The following ZNF431 variants were observed in gnomAD, a reference collection of about 807,000 sequenced individuals.
ZNF431 encodes zinc finger protein 431.
ZNF431 carries 34 observed loss-of-function variants against 57.0 expected under a neutral mutation model. The observed-to-expected ratio is 0.60, with a 90% CI of 0.45 to 0.79. ZNF431 has a LOEUF of 0.79. ZNF431 is among the 30% of genes least tolerant of loss of function. The probability of loss-of-function intolerance (pLI) is 0.00; values close to 1 mark genes in which losing one functional copy is unlikely to be tolerated. For synonymous variants in ZNF431, 207 were observed against 220.3 expected, an observed-to-expected ratio of 0.94 and a Z score of 0.54; for missense variants, 607 against 667.1, an observed-to-expected ratio of 0.91 and a Z score of 0.99.
rs1396154436 is a variant in ZNF431, at chr19:21,188,454, A to G, written c.*4420A>G. On this transcript the variant is annotated 3_prime_UTR_variant, in exon 5 of 5. Coordinates refer to ENST00000311048, the MANE Select transcript of ZNF431 (RefSeq NM_133473.4). ...TAAACAATTTTAAAGTTAATTTTCT[A>G]TGATATACTTACAGCACAACTTATA... 1.3e-5 allele frequency: 2 copies of G among 152,206 alleles called. No homozygotes were observed. The highest frequency in any genetic ancestry group is 1.3e-4 in the Admixed American group (2 of 15,282). The allele number at this position is 152,206 out of a possible 1,614,324, so 9.4% of individuals were successfully genotyped here. A position where few individuals can be genotyped will look rare whatever the true frequency, so the allele number is the denominator to read the frequency against.
chr19:21,150,331 A>G, intron 2 of ZNF431: 1 of 404,916 alleles, frequency 2.5e-6, no homozygotes, highest in Admixed American at 3.0e-5. Context: ...CACAATTCTT[A>G]GGCCTTTTCT....
At chr19:21,147,286 A>G (rs770402750) in intron 2 of ZNF431, among the ~76,000 whole-genome samples, 2 of 152,136 alleles carry the variant, frequency 1.3e-5, no homozygotes, top group Non-Finnish European at 2.9e-5. Flanking sequence ...CAGGAGTTCA[A>G]GACCAGCCTG....
chr19:21,172,265 C>G (rs1970920571), intron 4 of ZNF431, among the ~76,000 whole-genome samples: 2 of 150,884 alleles, frequency 1.3e-5, no homozygotes, highest in South Asian at 4.2e-4. Context: ...CCTGTCTCTA[C>G]TAAAAATACA....
chr19:21,166,037 G>A (rs1411280335), intron 2 of ZNF431, among the ~76,000 whole-genome samples: 1 of 152,144 alleles, frequency 6.6e-6, no homozygotes, highest in Admixed American at 6.5e-5. Context: ...TCATTATGAT[G>A]TAAGTATAGC....
At chr19:21,146,106 C>T (rs1970086352) in intron 2 of ZNF431, among the ~76,000 whole-genome samples, 6 of 151,886 alleles carry the variant, frequency 4.0e-5, no homozygotes, top group Non-Finnish European at 1.5e-5. Flanking sequence ...AATCCAAGCC[C>T]CAAAAGAGGG....
At chr19:21,173,712 G>C in intron 4 of ZNF431, among the ~76,000 whole-genome samples, 1 of 151,698 alleles carries the variant, frequency 6.6e-6, no homozygotes, top group East Asian at 2.0e-4. Context: ...TTTTAGTAGA[G>C]ATGGGGCTTT....
In ZNF431 at chr19:21,166,323, T is replaced by G. The variant is rs1368956819; in HGVS notation, c.97-12T>G. The G allele has an allele frequency of 1.2e-6, 2 of 1,611,344 alleles. No individual in the cohort carries two copies. Reference sequence around the variant, plus strand: ...GTAAATATATGTGTGTCTCTGTGCTTGTGTTTTTCAGGAGACATTGACATT... The same window carrying G: ...GTAAATATATGTGTGTCTCTGTGCTGGTGTTTTTCAGGAGACATTGACATT... On this transcript the variant is annotated splice_polypyrimidine_tract_variant and intron_variant, in intron 2 of 4. Transcript: ENST00000311048.
chr19:21,177,581 G>A (rs1971094701), intron 4 of ZNF431, among the ~76,000 whole-genome samples: 1 of 152,156 alleles, frequency 6.6e-6, no homozygotes, highest in Non-Finnish European at 1.5e-5. Flanking sequence ...GAGGTCAGGA[G>A]TTTGAGAAAA....
At position 21,185,854 on chromosome 19, in the gene ZNF431, A is replaced by G. The variant is rs1261609476; in HGVS notation, c.*1820A>G. On this transcript the variant is annotated 3_prime_UTR_variant, in exon 5 of 5. Transcript: ENST00000311048. ...GTAGCATTTCTCCTTTGTTTTACAA[A>G]CAATCCAATTCTACACTTTAAAAAA... is the stretch of plus-strand genomic sequence containing the variant. The G allele has an allele frequency of 3.3e-5, 5 of 151,348 alleles. No individual in the cohort carries two copies. The South Asian group carries it at 1.0e-3, about 32-fold the overall frequency. The allele number at this position is 151,348 out of a possible 1,614,324, so 9.4% of individuals were successfully genotyped here.
chr19:21,183,681 G>C lies in ZNF431; in HGVS notation c.1378G>C (p.Glu460Gln), dbSNP rs139858050. 2 of 1,613,582 alleles carry C rather than the reference G, an allele frequency of 1.2e-6. No individual in the cohort carries two copies. Among genetic ancestry groups the C allele is most frequent in the African/African-American group, 1.3e-5 (1 of 74,900 alleles). The change falls in exon 5 of 5, where the codon GAA (glutamate) becomes CAA (glutamine). Residue 460 changes from glutamate to glutamine, a missense_variant. Physicochemically the swap from Glu to Gln is conservative, Grantham distance 29 (BLOSUM62 2). Transcript: ENST00000311048. The part of the protein sequence containing the change: ...HTGEKPYKCE[E>Q]CGKAFSQSSI... Reference sequence around the variant, plus strand: ...TGGAGAGAAACCTTACAAATGTGAAGAATGTGGCAAAGCTTTTAGCCAGTC... The same window carrying C: ...TGGAGAGAAACCTTACAAATGTGAACAATGTGGCAAAGCTTTTAGCCAGTC...
At position 21,187,278 on chromosome 19, in the gene ZNF431, T is replaced by A. The variant is rs2145066526; in HGVS notation, c.*3244T>A. 6.6e-6 allele frequency: 1 copy of A among 151,940 alleles called. No individual in the cohort carries two copies. Among genetic ancestry groups the A allele is most frequent in the Admixed American group, 6.6e-5 (1 of 15,230 alleles). The allele number at this position is 151,940 out of a possible 1,614,324, so 9.4% of individuals were successfully genotyped here. ...GAATATGGTGAAACCCAGTCTCTACTAAAACTACAAAAATAGCCAGGCATG... is the reference window on the plus strand; with the variant it reads ...GAATATGGTGAAACCCAGTCTCTACAAAAACTACAAAAATAGCCAGGCATG... On this transcript the variant is annotated 3_prime_UTR_variant, in exon 5 of 5. Coordinates refer to ENST00000311048, the MANE Select transcript of ZNF431 (RefSeq NM_133473.4).
intron 2 of ZNF431, among the ~76,000 whole-genome samples, chr19:21,162,526 GA>G (rs1970603893): frequency 6.6e-6 from 1 of 151,994 alleles, no homozygotes; most frequent in Non-Finnish European, 1.5e-5. Flanking sequence ...GGCTGGTCTT[GA>G]ACTCCTGACC....
rs1970210534 is a variant in ZNF431 at position 21,149,694 on chromosome 19, T to C, written c.96+6051T>C. The C allele has an allele frequency of 5.1e-6, 3 of 591,464 alleles. No homozygotes were observed. The Admixed American group carries it at 5.9e-5, about 12-fold the overall frequency. 36.6% of individuals were successfully genotyped at this position (591,464 alleles called of 1,614,324 possible). ...TTCTTTAGTCTTTGCCTTTTTGAGC[T>C]TGGCGATCTGAGCCACAGACTTGAG... On this transcript the variant is annotated intron_variant, in intron 2 of 4. Coordinates refer to ENST00000311048, the MANE Select transcript of ZNF431 (RefSeq NM_133473.4).
At chr19:21,181,894 C>T (rs912202231) in intron 4 of ZNF431, among the ~76,000 whole-genome samples, 4 of 152,064 alleles carry the variant, frequency 2.6e-5, no homozygotes, top group African/African-American at 9.7e-5. Flanking sequence ...AATATAGCTA[C>T]CTGTCACATT....
intron 4 of ZNF431, chr19:21,175,485 T>C (rs1315325001): frequency 1.4e-6 from 1 of 695,648 alleles, no homozygotes; most frequent in Non-Finnish European, 2.6e-6. Flanking sequence ...GTTTGTTACA[T>C]AAGTAAATGT....
Position 21,187,486 on chromosome 19 carries a change from C to G in ZNF431, c.*3452C>G, listed in dbSNP as rs1380700092. 1 of 148,270 alleles carries G rather than the reference C, an allele frequency of 6.7e-6. No individual in the cohort carries two copies. Among genetic ancestry groups the G allele is most frequent in the Non-Finnish European group, 1.5e-5 (1 of 67,538 alleles). 9.2% of individuals were successfully genotyped at this position (148,270 alleles called of 1,614,324 possible). A position where few individuals can be genotyped will look rare whatever the true frequency, so the allele number is the denominator to read the frequency against. On this transcript the variant is annotated 3_prime_UTR_variant, in exon 5 of 5. Coordinates refer to ENST00000311048, the MANE Select transcript of ZNF431 (RefSeq NM_133473.4). ...GGGCGTGGTGGCTCACGCCTGTAAT[C>G]CCAGCACTTTGGGAGGCCAAGGTGG...
intron 2 of ZNF431, among the ~76,000 whole-genome samples, chr19:21,153,310 A>G (rs1382647739): frequency 1.3e-5 from 2 of 152,182 alleles, no homozygotes; most frequent in Admixed American, 6.5e-5. Flanking sequence ...ATGTCTAACC[A>G]TCTGGGAATT....
intron 2 of ZNF431, among the ~76,000 whole-genome samples, chr19:21,164,075 A>AT (rs200815263): frequency 0.014 from 966 of 69,838 alleles, 17 homozygotes; most frequent in African/African-American, 0.061. Flanking sequence ...GTGAAACTCC[A>AT]TCTCAAAAAA....
chr19:21,178,514 G>C (rs1477257302), intron 4 of ZNF431, among the ~76,000 whole-genome samples: 1 of 152,118 alleles, frequency 6.6e-6, no homozygotes, highest in African/African-American at 2.4e-5. Flanking sequence ...TAACATGAAG[G>C]GATGTTGAAT....
Sources: allele counts gnomAD v4.1 joint callset (sites outside exome capture counted in the v4.1 genomes callset), GRCh38; gene constraint gnomAD v4.1.1; transcripts MANE v1.5; gene names NCBI Gene and HGNC (gene_info 2026-07-23, HGNC 2026-07-21).